KIT: variants seen among roughly 807,000 people sequenced by gnomAD.
KIT encodes the protein mast/stem cell growth factor receptor Kit.
A neutral mutation model predicts 105.7 loss-of-function variants in KIT; 16 were observed. That is an observed-to-expected ratio of 0.15 (90% CI 0.10 to 0.23). The LOEUF (loss-of-function observed/expected upper bound fraction) is 0.23. Among genes scored for constraint, KIT ranks in the 10% least tolerant of loss-of-function variants. The pLI, the probability that KIT is intolerant of heterozygous loss-of-function variation, is 1.00. For missense variants in KIT, 858 were observed against 1,213.8 expected (o/e 0.71, Z 4.36); for synonymous variants, 438 against 441.1 (o/e 0.99, Z 0.09).
intron 1 of KIT, among the ~76,000 whole-genome samples, chr4:54,689,738 A>C (rs937901330): frequency 6.6e-6 from 1 of 152,208 alleles, no homozygotes; most frequent in Admixed American, 6.5e-5. Flanking sequence ...AGGATGTACT[A>C]TTTTTAAGTG....
rs1553889094 is a variant in KIT, at chr4:54,709,489, T to C, written c.1181T>C (p.Val394Ala). Residue 394 changes from valine to alanine, a missense_variant, in exon 7 of 21, where the codon GTG (valine) becomes GCG (alanine). Physicochemically the swap from Val to Ala is moderately conservative, Grantham distance 64 (BLOSUM62 0). Transcript: ENST00000288135. ...GTEGGTYTFL[V>A]SNSDVNAAIA... ...GAAGGAGGCACTTACACATTCCTAG[T>C]GTCCAATTCTGACGTCAATGCTGCC... 1.9e-6 allele frequency: 3 copies of C among 1,613,702 alleles called. No individual in the cohort carries two copies. The highest frequency in any genetic ancestry group is 3.3e-5 in the Admixed American group (2 of 60,012).
chr4:54,729,635 GT>G, intron 14 of KIT, 150 bp downstream of exon 14: 1 of 802,246 alleles, frequency 1.2e-6, no homozygotes, highest in Non-Finnish European at 2.0e-6. Flanking sequence ...GTGATTAACA[GT>G]TTAGAAAGTT....
At position 54,730,475 on chromosome 4, in the gene KIT, AT is replaced by A. The variant is rs199633059; in HGVS notation, c.2142-844del. On this transcript the variant is annotated intron_variant, in intron 14 of 20. Coordinates refer to ENST00000288135, the MANE Select transcript of KIT (RefSeq NM_000222.3). Reference sequence around the variant, plus strand: ...TTTAAAACCCCAGGTGAAACTTTTTATTTTTTTTTAATCCTATAAACTTGAG... The same window carrying A: ...TTTAAAACCCCAGGTGAAACTTTTTATTTTTTTTAATCCTATAAACTTGAG... Among the ~76,000 whole-genome samples, 423 of 151,506 alleles carry A rather than the reference AT, an allele frequency of 2.8e-3. 1 individual carries two copies. The highest frequency in any genetic ancestry group is 9.6e-3 in the African/African-American group (396 of 41,366).
At chr4:54,696,963 A>C (rs114545598) in intron 2 of KIT, among the ~76,000 whole-genome samples, 368 of 152,356 alleles carry the variant, frequency 2.4e-3, no homozygotes, top group Non-Finnish European at 4.5e-3. Context: ...AATGAGGAAA[A>C]CTGTTGAATT....
At chr4:54,673,767 G>A (rs1328559459) in intron 1 of KIT, among the ~76,000 whole-genome samples, 1 of 152,170 alleles carries the variant, frequency 6.6e-6, no homozygotes, top group African/African-American at 2.4e-5. Context: ...AGGAGGGCCA[G>A]TGTAGATTTC....
At chr4:54,703,951 GAC>G (rs1332873758) in intron 5 of KIT, 59 bp downstream of exon 5, 1 of 1,309,444 alleles carries the variant, frequency 7.6e-7, no homozygotes, top group Admixed American at 1.7e-5. Context: ...GAAATTATTA[GAC>G]AGTTTCTTTT....
rs187311737 is a variant in KIT, at chr4:54,690,365, T to C, written c.68-5147T>C. 7.2e-5 allele frequency among the ~76,000 whole-genome samples: 11 copies of C among 152,342 alleles called. No individual in the cohort carries two copies. In the East Asian group the frequency reaches 1.9e-3, roughly 27 times the overall value. ...ACTGAAATCTTGCATTGTTGACTCT[T>C]CGTAAGTGTCCGCTTCCTCCTCTAT... On this transcript the variant is annotated intron_variant, in intron 1 of 20. Transcript: ENST00000288135.
Position 54,739,061 on chromosome 4 carries a change from G to A in KIT, c.*504G>A. 1 of 424,504 alleles carries A rather than the reference G, an allele frequency of 2.4e-6. No individual in the cohort carries two copies. Among genetic ancestry groups the A allele is most frequent in the Non-Finnish European group, 4.1e-6 (1 of 241,284 alleles). 26.3% of individuals were successfully genotyped at this position (424,504 alleles called of 1,614,324 possible). On this transcript the variant is annotated 3_prime_UTR_variant, in exon 21 of 21. Transcript: ENST00000288135. ...GGGCTTAAGAAATCTAGTATTTCAT[G>A]CTGGGAATGAGACATAGGCCATGAA...
At chr4:54,726,562 T>C (rs890172345) in intron 9 of KIT, among the ~76,000 whole-genome samples, 4 of 152,232 alleles carry the variant, frequency 2.6e-5, no homozygotes, top group Admixed American at 2.6e-4. Context: ...AAAGATCTTT[T>C]GGGCAAACTG....
intron 1 of KIT, among the ~76,000 whole-genome samples, chr4:54,692,799 G>A (rs1236815095): frequency 6.6e-6 from 1 of 152,128 alleles, no homozygotes; most frequent in Non-Finnish European, 1.5e-5. Flanking sequence ...TAGCCTTTAT[G>A]ACGTTGTTGC....
At chr4:54,671,633 C>T (rs1355266835) in intron 1 of KIT, among the ~76,000 whole-genome samples, 1 of 152,052 alleles carries the variant, frequency 6.6e-6, no homozygotes, top group South Asian at 2.1e-4. Context: ...TTTAAGTAAA[C>T]CCTATTTAAA....
At chr4:54,678,573 A>G (rs999913598) in intron 1 of KIT, among the ~76,000 whole-genome samples, 14 of 152,164 alleles carry the variant, frequency 9.2e-5, no homozygotes, top group African/African-American at 2.9e-4. Context: ...TGAAGTTTGT[A>G]GAGGTCAAAT....
At chr4:54,725,507 A>G (rs536475294) in intron 8 of KIT, among the ~76,000 whole-genome samples, 7 of 152,236 alleles carry the variant, frequency 4.6e-5, no homozygotes, top group African/African-American at 1.7e-4. Flanking sequence ...GTGTACCAGC[A>G]TATATGCCTG....
At chr4:54,700,524 A>G (rs1192302134) in intron 4 of KIT, among the ~76,000 whole-genome samples, 1 of 152,190 alleles carries the variant, frequency 6.6e-6, no homozygotes, top group Non-Finnish European at 1.5e-5. Context: ...ATTTCCAAAT[A>G]CTTTGCTTTA....
chr4:54,719,773 G>A (rs1047168515), intron 7 of KIT, among the ~76,000 whole-genome samples: 18 of 152,038 alleles, frequency 1.2e-4, no homozygotes, highest in Non-Finnish European at 7.4e-5. Context: ...TGCCAAACAC[G>A]GTGCATTGAG....
chr4:54,658,569 C>T (rs915810134), intron 1 of KIT, among the ~76,000 whole-genome samples: 2 of 152,138 alleles, frequency 1.3e-5, no homozygotes, highest in African/African-American at 4.8e-5. Context: ...TTAGAGAGCC[C>T]TTTCTCTGCT....
At chr4:54,705,419 ACT>A (rs1720723671) in intron 5 of KIT, among the ~76,000 whole-genome samples, 1 of 151,938 alleles carries the variant, frequency 6.6e-6, no homozygotes, top group Admixed American at 6.6e-5. Flanking sequence ...CTTTGGTATC[ACT>A]CTTTTTTTAA....
rs753085778 is a variant in KIT at position 54,726,082 on chromosome 4, T to C, written c.1540+32T>C. The C allele has an allele frequency of 3.9e-6, 6 of 1,548,818 alleles. No individual in the cohort carries two copies. In the African/African-American group the frequency reaches 8.1e-5, roughly 21 times the overall value. On this transcript the variant is annotated intron_variant, in intron 9 of 20. Transcript: ENST00000288135. ...TTCTTTTTAATCCAATTTAAGGGGA[T>C]GTTTAGGCTCTGTCTACCATATCAG...
chr4:54,733,379 A>C, intron 17 of KIT, 187 bp downstream of exon 17: 1 of 568,690 alleles, frequency 1.8e-6, no homozygotes, highest in South Asian at 1.9e-5. Flanking sequence ...ACTAACATTC[A>C]ATAATAGAAG....
Sources: gnomAD v4.1 joint callset for allele counts (sites outside exome capture counted in the v4.1 genomes callset) on GRCh38, gnomAD v4.1.1 for gene constraint, MANE v1.5 for transcripts, NCBI Gene and HGNC (gene_info 2026-07-23, HGNC 2026-07-21) for gene names.